TMEM272: variants seen among roughly 807,000 people sequenced by gnomAD.
TMEM272 encodes transmembrane protein 272, also known as long intergenic non-protein coding RNA 282.
In TMEM272, 8 loss-of-function variants were observed where a neutral mutation model predicts 3.7. The observed-to-expected ratio is 2.17, with a 90% confidence interval of 1.27 to 3.91. TMEM272 has a LOEUF of 3.91. Ranked by LOEUF, TMEM272 falls within the 30% of genes most tolerant of loss-of-function variation. The pLI, the probability that TMEM272 is intolerant of heterozygous loss-of-function variation, is 0.00. For synonymous variants in TMEM272, 63 were observed against 39.8 expected, an observed-to-expected ratio of 1.58 and a Z score of -2.20; for missense variants, 166 against 91.5, an observed-to-expected ratio of 1.81 and a Z score of -3.32.
chr13:51,881,117 C>A, the TMEM272 span, among the ~76,000 whole-genome samples: 1 of 151,996 alleles, frequency 6.6e-6, no homozygotes, highest in African/African-American at 2.4e-5. Context: ...TGGGTGTGGC[C>A]GAACAACTGA....
chr13:51,883,804 A>T, the TMEM272 span, among the ~76,000 whole-genome samples: 1 of 152,156 alleles, frequency 6.6e-6, no homozygotes, highest in Non-Finnish European at 1.5e-5. Flanking sequence ...ATGACACTTG[A>T]ATTGTGCCTA....
the TMEM272 span, among the ~76,000 whole-genome samples, chr13:51,916,090 T>A: frequency 6.6e-6 from 1 of 151,998 alleles, no homozygotes; most frequent in Non-Finnish European, 1.5e-5. Context: ...AGAAAAAAAA[T>A]CACTGACACT....
At position 51,817,114 on chromosome 13, in the gene TMEM272, C is replaced by G. The variant is rs747042870; in HGVS notation, c.202-1G>C. ...TGGAGTCGTACAACAGGAGAGACAC[C>G]TGGGGCGTGGTGGGGAGCCAGGGTG... On this transcript the variant is annotated splice_acceptor_variant, in intron 4 of 4. Coordinates refer to ENST00000629372, the MANE Select transcript of TMEM272 (RefSeq NM_001351003.2). LOFTEE classifies it high-confidence loss of function. The G allele has an allele frequency of 8.6e-6, 6 of 698,430 alleles. No homozygotes were observed. In the South Asian group the frequency reaches 8.9e-5, roughly 10 times the overall value. The allele number at this position is 698,430 out of a possible 1,614,324, so 43.3% of individuals were successfully genotyped here.
chr13:51,896,340 AGAG>A, the TMEM272 span, among the ~76,000 whole-genome samples: 1 of 152,254 alleles, frequency 6.6e-6, no homozygotes, highest in Non-Finnish European at 1.5e-5. Flanking sequence ...TGAGAGAGAC[AGAG>A]AAACACGTGT....
At chr13:51,901,815 C>CAGCCT in the TMEM272 span, among the ~76,000 whole-genome samples, 1 of 152,206 alleles carries the variant, frequency 6.6e-6, no homozygotes, top group Non-Finnish European at 1.5e-5. Context: ...ACCTCCAGCC[C>CAGCCT]AGCCTAGCTA....
chr13:51,906,225 T>C, the TMEM272 span, among the ~76,000 whole-genome samples: 1 of 152,126 alleles, frequency 6.6e-6, no homozygotes, highest in East Asian at 1.9e-4. Flanking sequence ...GGCATCTAAT[T>C]CAAAGGGTGA....
the TMEM272 span, among the ~76,000 whole-genome samples, chr13:51,875,209 T>C: frequency 6.6e-6 from 1 of 152,182 alleles, no homozygotes; most frequent in Non-Finnish European, 1.5e-5. Context: ...GAAGTGGTGC[T>C]AGTATTAGCT....
At chr13:51,891,988 T>C in the TMEM272 span, among the ~76,000 whole-genome samples, 2 of 152,200 alleles carry the variant, frequency 1.3e-5, 1 homozygote, top group South Asian at 4.1e-4. Context: ...TCAGGTGTAT[T>C]AGTAATGCTA....
chr13:51,867,141 A>G, the TMEM272 span, among the ~76,000 whole-genome samples: 8 of 152,142 alleles, frequency 5.3e-5, no homozygotes, highest in Non-Finnish European at 8.8e-5. Flanking sequence ...TCATTAACAC[A>G]TCAACTTACC....
chr13:51,824,506 C>T (rs1255460949), intron 3 of TMEM272, among the ~76,000 whole-genome samples: 2 of 152,212 alleles, frequency 1.3e-5, no homozygotes, highest in Non-Finnish European at 2.9e-5. Context: ...AACTCTATAA[C>T]CAATATTGCT....
the TMEM272 span, among the ~76,000 whole-genome samples, chr13:51,916,802 TC>T: frequency 1.3e-5 from 2 of 152,152 alleles, no homozygotes; most frequent in East Asian, 3.9e-4. Flanking sequence ...ACACACTCTT[TC>T]CCCCTTCAAT....
At chr13:51,832,394 C>T (rs564266367) in intron 2 of TMEM272, among the ~76,000 whole-genome samples, 37 of 152,206 alleles carry the variant, frequency 2.4e-4, no homozygotes, top group African/African-American at 8.9e-4. Context: ...TTAATATATC[C>T]CCAGATCTTT....
the TMEM272 span, among the ~76,000 whole-genome samples, chr13:51,866,944 A>G: frequency 6.6e-6 from 1 of 152,222 alleles, no homozygotes; most frequent in South Asian, 2.1e-4. Flanking sequence ...AGGGAGTAGT[A>G]CATTGAATGA....
the TMEM272 span, among the ~76,000 whole-genome samples, chr13:51,884,238 TA>T: frequency 0.33 from 49,564 of 152,048 alleles, 8,234 homozygotes; most frequent in East Asian, 0.44. Flanking sequence ...AAATGACCCA[TA>T]ACCTGTATTT....
intron 2 of TMEM272, among the ~76,000 whole-genome samples, chr13:51,835,476 G>T (rs375683346): frequency 1.3e-5 from 2 of 151,930 alleles, no homozygotes; most frequent in African/African-American, 4.8e-5. Context: ...TGCTCGCCTC[G>T]GTCTCCCAAA....
the TMEM272 span, among the ~76,000 whole-genome samples, chr13:51,859,146 G>A: frequency 2.7e-5 from 4 of 150,584 alleles, no homozygotes; most frequent in African/African-American, 7.4e-5. Context: ...AGCTTACTCT[G>A]TGCAAATAAC....
In TMEM272 at chr13:51,838,650, G is replaced by A. The variant is rs1314774513; in HGVS notation, c.-23-97C>T. 9 of 693,566 alleles carry A rather than the reference G, an allele frequency of 1.3e-5. No homozygotes were observed. The South Asian group carries it at 1.4e-4, about 10-fold the overall frequency. The allele number at this position is 693,566 out of a possible 1,614,324, so 43.0% of individuals were successfully genotyped here. A position where few individuals can be genotyped will look rare whatever the true frequency, so the allele number is the denominator to read the frequency against. ...TGTGCATGTCAGTGGTGGCCTGCAG[G>A]GTGGTCTCAGTCAGCCCGGGTGGCC... On this transcript the variant is annotated intron_variant, in intron 1 of 4. Transcript: ENST00000629372.
In TMEM272 at chr13:51,813,476, T is replaced by TAAC; in HGVS notation, c.*3272_*3274dup. On this transcript the variant is annotated 3_prime_UTR_variant, in exon 5 of 5. Transcript: ENST00000629372. ...CTTCTCATACTAAAAGAGAAGGAAA[T>TAAC]AACACGAAGTACTGGAAGTGACATT... 1 of 386,902 alleles carries TAAC rather than the reference T, an allele frequency of 2.6e-6. No homozygotes were observed. Among genetic ancestry groups the TAAC allele is most frequent in the Non-Finnish European group, 4.6e-6 (1 of 219,400 alleles). 24.0% of individuals were successfully genotyped at this position (386,902 alleles called of 1,614,324 possible).
chr13:51,915,876 C>G, the TMEM272 span, among the ~76,000 whole-genome samples: 2 of 152,166 alleles, frequency 1.3e-5, no homozygotes, highest in African/African-American at 4.8e-5. Context: ...AGATGGAGAA[C>G]TTCCTGGCCA....
Sources: allele counts gnomAD v4.1 joint callset (sites outside exome capture counted in the v4.1 genomes callset), GRCh38; gene constraint gnomAD v4.1.1; transcripts MANE v1.5; gene names NCBI Gene and HGNC (gene_info 2026-07-23, HGNC 2026-07-21).